Variants in METTL8 observed in about 807,000 individuals in gnomAD.
METTL8 encodes methyltransferase 8, tRNA N3-cytidine.
Under a neutral mutation model 48.7 loss-of-function variants are expected in METTL8, and 32 were observed. The ratio of observed to expected loss-of-function variants is 0.66; its 90% CI spans 0.50 to 0.88. The LOEUF (loss-of-function observed/expected upper bound fraction) is 0.88. Among genes scored for constraint, METTL8 ranks in the 40% least tolerant of loss-of-function variants. The pLI is 0.00. For missense variants in METTL8, 464 were observed against 474.4 expected (o/e 0.98, Z 0.20); for synonymous variants, 136 against 157.1 (o/e 0.87, Z 1.01).
chr2:171,325,551 T>A (rs1244088594), intron 9 of METTL8, among the ~76,000 whole-genome samples: 1 of 152,212 alleles, frequency 6.6e-6, no homozygotes, highest in East Asian at 1.9e-4. Context: ...ATCATCAATT[T>A]TTTTCATATC....
chr2:171,395,851 C>A (rs139145660), intron 1 of METTL8, among the ~76,000 whole-genome samples: 5 of 152,110 alleles, frequency 3.3e-5, no homozygotes. Flanking sequence ...ATTAACTTGA[C>A]CTAGATGACA....
chr2:171,385,336 C>CA lies in METTL8; in HGVS notation c.143+6706dup, dbSNP rs201042982. On this transcript the variant is annotated intron_variant, in intron 2 of 9. Transcript: ENST00000375258. The stretch of plus-strand genomic sequence containing the variant: ...TGGGTGACAGGGCAAGACCCTGTCT[C>CA]AAAAAAAAAAAAAATCAAATTCAGC... Among the ~76,000 whole-genome samples, 609 of 96,220 alleles carry CA rather than the reference C, an allele frequency of 6.3e-3. 5 individuals carry two copies. The highest frequency in any genetic ancestry group is 0.048 in the East Asian group (165 of 3,458). The allele number at this position is 96,220 out of a possible 152,430, so 63.1% of individuals were successfully genotyped here. A position where few individuals can be genotyped will look rare whatever the true frequency, so the allele number is the denominator to read the frequency against.
intron 3 of METTL8, among the ~76,000 whole-genome samples, chr2:171,340,885 A>G (rs1686681011): frequency 6.6e-6 from 1 of 152,176 alleles, no homozygotes; most frequent in African/African-American, 2.4e-5. Flanking sequence ...TCCTACTGAC[A>G]TCTCCCAAGA....
intron 2 of METTL8, among the ~76,000 whole-genome samples, chr2:171,377,960 T>G (rs1325951897): frequency 1.3e-5 from 2 of 152,122 alleles, no homozygotes; most frequent in Non-Finnish European, 2.9e-5. Context: ...TGCATGTTTA[T>G]AGCAGCACAA....
Position 171,339,499 on chromosome 2 carries a change from C to T in METTL8, c.291G>A (p.Lys97=), listed in dbSNP as rs113596485. Residue 97 remains lysine, a synonymous_variant, in exon 4 of 10, where the codon AAG becomes AAA. Transcript: ENST00000375258. The stretch of plus-strand genomic sequence containing the variant: ...AATTACGATCCTTGAAAAACTTATT[C>T]TTATGAATCTTGTAAAATGTGTCCC... ...KYWDTFYKIH[K]NKFFKDRNWL... is the part of the protein sequence containing the mutation. 8.6e-5 allele frequency: 138 copies of T among 1,609,428 alleles called. No homozygotes were observed. In the African/African-American group the frequency reaches 1.7e-3, roughly 19 times the overall value.
rs1278029561 is a variant in METTL8, at chr2:171,339,327, G to A, written c.463C>T (p.His155Tyr). 1.2e-6 allele frequency: 2 copies of A among 1,612,362 alleles called. No homozygotes were observed. Among genetic ancestry groups the A allele is most frequent in the Non-Finnish European group, 1.7e-6 (2 of 1,179,056 alleles). ...HCPTVPDEKN[H>Y]YEKSSGSSEG... ...GAAGAACCAGAACTTTTCTCATAAT[G>A]ATTTTTTTCATCAGGCACAGTAGGA... Residue 155 changes from histidine (H) to tyrosine (Y), a missense_variant, in exon 4 of 10, where the codon CAT becomes TAT. Transcript: ENST00000375258.
chr2:171,363,796 A>ATATATATATATG (rs1553516535), intron 2 of METTL8, among the ~76,000 whole-genome samples: 2 of 117,400 alleles, frequency 1.7e-5, no homozygotes, highest in Non-Finnish European at 1.8e-5. Context: ...CAAATTTTAT[A>ATATATATATATG]TATATATATA....
rs10629650 is a variant in METTL8, at chr2:171,393,407, C to CAAAAAAAAAAAAA, written c.-12-1223_-12-1211dup. Among the ~76,000 whole-genome samples, 3 of 104,166 alleles carry CAAAAAAAAAAAAA rather than the reference C, an allele frequency of 2.9e-5. 1 individual carries two copies. The highest frequency in any genetic ancestry group is 7.7e-5 in the African/African-American group (2 of 26,082). The allele number at this position is 104,166 out of a possible 152,430, so 68.3% of individuals were successfully genotyped here. A position where few individuals can be genotyped will look rare whatever the true frequency, so the allele number is the denominator to read the frequency against. On this transcript the variant is annotated intron_variant, in intron 1 of 9. Transcript: ENST00000375258. ...AGCAAGACTCTGTCTTATAAAAAAGCAAAAAAAAAAAAAAAAAAGCATGCT... is the reference window on the plus strand; with the variant it reads ...AGCAAGACTCTGTCTTATAAAAAAGCAAAAAAAAAAAAAAAAAAAAAAAAAAAAAAAGCATGCT...
chr2:171,339,075 C>T, intron 4 of METTL8, 109 bp downstream of exon 4: 4 of 911,128 alleles, frequency 4.4e-6, no homozygotes, highest in Non-Finnish European at 6.2e-6. Flanking sequence ...TGCTTATTTA[C>T]ATTTGATAGT....
At chr2:171,359,856 G>T (rs924044760) in intron 3 of METTL8, among the ~76,000 whole-genome samples, 4 of 152,142 alleles carry the variant, frequency 2.6e-5, no homozygotes, top group African/African-American at 9.7e-5. Flanking sequence ...CACCCAAAGT[G>T]CTGGGATTAT....
chr2:171,389,041 C>G (rs1353765386), intron 2 of METTL8, among the ~76,000 whole-genome samples: 1 of 152,072 alleles, frequency 6.6e-6, no homozygotes, highest in African/African-American at 2.4e-5. Flanking sequence ...AGTTGATTAC[C>G]CTACAATGGC....
chr2:171,345,524 A>G (rs1687180752), intron 3 of METTL8, among the ~76,000 whole-genome samples: 1 of 152,248 alleles, frequency 6.6e-6, no homozygotes, highest in Non-Finnish European at 1.5e-5. Flanking sequence ...TTCTAAGAGC[A>G]CTGCATAAAA....
chr2:171,392,908 C>A (rs1431634550), intron 1 of METTL8, among the ~76,000 whole-genome samples: 1 of 147,474 alleles, frequency 6.8e-6, no homozygotes, highest in African/African-American at 2.5e-5. Flanking sequence ...ACCAGCCTGG[C>A]CAACATAGGA....
intron 9 of METTL8, among the ~76,000 whole-genome samples, chr2:171,325,369 T>C (rs957266608): frequency 5.3e-5 from 8 of 152,128 alleles, no homozygotes; most frequent in African/African-American, 1.9e-4. Flanking sequence ...AAAATTGTTT[T>C]GTAGAGACAG....
At chr2:171,413,778 C>T (rs1690993244) in intron 1 of METTL8, among the ~76,000 whole-genome samples, 1 of 152,096 alleles carries the variant, frequency 6.6e-6, no homozygotes. Flanking sequence ...GAAAGCCCAT[C>T]ACACAGAAAA....
chr2:171,337,417 G>A, intron 5 of METTL8, 36 bp downstream of exon 5: 3 of 1,488,292 alleles, frequency 2.0e-6, no homozygotes, highest in Non-Finnish European at 2.7e-6. Context: ...CCATAAATAT[G>A]TAAAATTCTG....
chr2:171,343,371 G>A (rs1037149660), intron 3 of METTL8, among the ~76,000 whole-genome samples: 1 of 151,954 alleles, frequency 6.6e-6, no homozygotes, highest in Non-Finnish European at 1.5e-5. Flanking sequence ...CCCGGGAGGC[G>A]GAGGTTGCGG....
intron 3 of METTL8, among the ~76,000 whole-genome samples, chr2:171,350,354 G>A (rs1308401175): frequency 6.6e-6 from 1 of 152,164 alleles, no homozygotes; most frequent in Non-Finnish European, 1.5e-5. Context: ...TCTTCATCCA[G>A]TCTATCACTG....
Position 171,316,592 on chromosome 2 carries a change from T to A in METTL8, c.*7580A>T, listed in dbSNP as rs1684275662. On this transcript the variant is annotated 3_prime_UTR_variant, in exon 10 of 10. Transcript: ENST00000375258. ...AAGAGACATCTCAGAGAGTGGTGGA[T>A]TAAGAATATATTCATGGAAAGGATA... Among the ~76,000 whole-genome samples the A allele has an allele frequency of 6.6e-6, 1 of 152,210 alleles. No individual in the cohort carries two copies. The highest frequency in any genetic ancestry group is 2.4e-5 in the African/African-American group (1 of 41,452).
Sources: allele counts gnomAD v4.1 joint callset (sites outside exome capture counted in the v4.1 genomes callset), GRCh38; gene constraint gnomAD v4.1.1; transcripts MANE v1.5; gene names NCBI Gene and HGNC (gene_info 2026-07-23, HGNC 2026-07-21).